Variants in CTNND2 observed in about 807,000 individuals in gnomAD.
CTNND2 encodes the protein catenin delta 2, also known as catenin delta-2.
In CTNND2, 22 loss-of-function variants were observed where a neutral mutation model predicts 144.4. The ratio of observed to expected loss-of-function variants is 0.15; its 90% CI spans 0.11 to 0.22. The LOEUF (loss-of-function observed/expected upper bound fraction) is 0.22, where lower values mean the gene tolerates loss of function less well. CTNND2 is among the 10% of genes least tolerant of loss of function. CTNND2 has a pLI of 1.00. For synonymous variants in CTNND2, 751 were observed against 695.6 expected, an observed-to-expected ratio of 1.08 and a Z score of -1.25; for missense variants, 1,353 against 1,618.8, an observed-to-expected ratio of 0.84 and a Z score of 2.82.
intron 2 of CTNND2, among the ~76,000 whole-genome samples, chr5:11,653,707 GT>G (rs1230891691): frequency 6.7e-6 from 1 of 149,106 alleles, no homozygotes; most frequent in Admixed American, 6.7e-5. Context: ...TCATTTTGTT[GT>G]TTCTTATGCT....
chr5:11,527,875 G>T (rs1773403104), intron 3 of CTNND2, among the ~76,000 whole-genome samples: 1 of 152,084 alleles, frequency 6.6e-6, no homozygotes, highest in South Asian at 2.1e-4. Flanking sequence ...GTTACCCCAG[G>T]GTGTAGTCAA....
At chr5:11,606,193 A>G (rs1780036446) in intron 2 of CTNND2, among the ~76,000 whole-genome samples, 1 of 152,216 alleles carries the variant, frequency 6.6e-6, no homozygotes, top group East Asian at 1.9e-4. Context: ...ACTTCAACAC[A>G]AGGATGGCAT....
rs79748508 is a variant in CTNND2, at chr5:11,190,655, C to T, written c.1975+8793G>A. ...TATAAACTATGGCCTGAGCTACCTG[C>T]TTGCATAAATACAGTTTAATACACA... On this transcript the variant is annotated intron_variant, in intron 11 of 21. Coordinates refer to ENST00000304623, the MANE Select transcript of CTNND2 (RefSeq NM_001332.4). Among the ~76,000 whole-genome samples the T allele has an allele frequency of 4.1e-3, 621 of 152,286 alleles. 5 individuals carry two copies. The highest frequency in any genetic ancestry group is 0.014 in the African/African-American group (570 of 41,568).
chr5:11,447,247 CAGG>C (rs1764899232), intron 3 of CTNND2, among the ~76,000 whole-genome samples: 1 of 151,406 alleles, frequency 6.6e-6, no homozygotes, highest in African/African-American at 2.4e-5. Context: ...GAGGAAGGGG[CAGG>C]AGAATTGCTT....
At chr5:11,738,532 T>C (rs1031506244) in intron 1 of CTNND2, among the ~76,000 whole-genome samples, 3 of 152,182 alleles carry the variant, frequency 2.0e-5, no homozygotes, top group African/African-American at 7.2e-5. Context: ...TCTCTAGCCG[T>C]CAATGCAGAG....
intron 3 of CTNND2, among the ~76,000 whole-genome samples, chr5:11,468,791 CTCA>C (rs1458681218): frequency 2.6e-5 from 4 of 152,098 alleles, no homozygotes; most frequent in Non-Finnish European, 5.9e-5. Context: ...TGGTGACTCA[CTCA>C]TCTTGTCACC....
At chr5:11,330,015 A>G (rs1464893935) in intron 9 of CTNND2, among the ~76,000 whole-genome samples, 1 of 152,170 alleles carries the variant, frequency 6.6e-6, no homozygotes, top group Non-Finnish European at 1.5e-5. Context: ...GAGCTAATGT[A>G]GCATGTTACA....
chr5:11,703,708 A>T (rs1785560355), intron 2 of CTNND2, among the ~76,000 whole-genome samples: 1 of 152,148 alleles, frequency 6.6e-6, no homozygotes, highest in Admixed American at 6.6e-5. Flanking sequence ...CAAACAGATG[A>T]CTTTCAGTCT....
At chr5:11,844,361 T>C (rs796719927) in intron 1 of CTNND2, among the ~76,000 whole-genome samples, 7 of 150,548 alleles carry the variant, frequency 4.6e-5, no homozygotes, top group South Asian at 2.1e-4. Flanking sequence ...TAGACTGAAA[T>C]ACACACACAC....
Position 11,250,455 on chromosome 5 carries a change from T to TTC in CTNND2, c.1629-13633_1629-13632insGA, listed in dbSNP as rs1561093391. On this transcript the variant is annotated intron_variant, in intron 9 of 21. Transcript: ENST00000304623. ...GAAAGTTTGCGGTGAATTTAAAGGG[T>TTC]GCTCTCTCTCTCTCTCTCTCTCTCT... is the stretch of plus-strand genomic sequence containing the variant. 3.2e-3 allele frequency among the ~76,000 whole-genome samples: 233 copies of TTC among 72,908 alleles called. 1 individual carries two copies. Among genetic ancestry groups the TTC allele is most frequent in the Admixed American group, 0.027 (177 of 6,582 alleles). The allele number at this position is 72,908 out of a possible 152,430, so 47.8% of individuals were successfully genotyped here. A position where few individuals can be genotyped will look rare whatever the true frequency, so the allele number is the denominator to read the frequency against.
At chr5:11,542,425 G>A (rs907679626) in intron 3 of CTNND2, among the ~76,000 whole-genome samples, 16 of 152,100 alleles carry the variant, frequency 1.1e-4, no homozygotes, top group African/African-American at 3.9e-4. Flanking sequence ...TAAATGGTTT[G>A]ATGACTAGAG....
At chr5:11,346,744 G>T in intron 8 of CTNND2, 117 bp from the exon 9 acceptor site, 2 of 961,322 alleles carry the variant, frequency 2.1e-6, no homozygotes, top group Non-Finnish European at 2.8e-6. Flanking sequence ...GGGTTCAAAA[G>T]AATAAAAAAA....
intron 1 of CTNND2, among the ~76,000 whole-genome samples, chr5:11,833,045 T>C (rs1273204878): frequency 6.6e-6 from 1 of 152,214 alleles, no homozygotes; most frequent in East Asian, 1.9e-4. Context: ...ACCTGGAATC[T>C]TGGAAATGGA....
At chr5:11,585,953 G>A (rs772929329) in intron 2 of CTNND2, among the ~76,000 whole-genome samples, 1 of 152,040 alleles carries the variant, frequency 6.6e-6, no homozygotes, top group Non-Finnish European at 1.5e-5. Flanking sequence ...TCCTCTGCAG[G>A]AGCAAAAAGT....
At chr5:11,728,684 A>C (rs1217535171) in intron 2 of CTNND2, among the ~76,000 whole-genome samples, 4 of 152,220 alleles carry the variant, frequency 2.6e-5, no homozygotes, top group Admixed American at 1.3e-4. Context: ...AAATTAGTGT[A>C]ACAATAGAGT....
intron 20 of CTNND2, among the ~76,000 whole-genome samples, chr5:10,987,758 C>T (rs963847154): frequency 6.9e-6 from 1 of 144,944 alleles, no homozygotes; most frequent in African/African-American, 2.5e-5. Context: ...ATTCCTAATG[C>T]ACAGGGCCTA....
At chr5:11,012,233 AG>A (rs1326213707) in intron 18 of CTNND2, among the ~76,000 whole-genome samples, 1 of 148,406 alleles carries the variant, frequency 6.7e-6, no homozygotes, top group Non-Finnish European at 1.5e-5. Flanking sequence ...GGGAAAACCA[AG>A]GGAGGGGGTG....
intron 1 of CTNND2, among the ~76,000 whole-genome samples, chr5:11,892,833 C>A (rs143548910): frequency 6.6e-6 from 1 of 152,166 alleles, no homozygotes; most frequent in African/African-American, 2.4e-5. Context: ...TCAGTGAACA[C>A]GACGAAATCT....
Position 11,235,274 on chromosome 5 carries a change from G to A in CTNND2, c.1761+1417C>T, listed in dbSNP as rs745997596. Among the ~76,000 whole-genome samples the A allele has an allele frequency of 3.3e-5, 5 of 152,268 alleles. No homozygotes were observed. In the East Asian group the frequency reaches 9.7e-4, roughly 29 times the overall value. On this transcript the variant is annotated intron_variant, in intron 10 of 21. Coordinates refer to ENST00000304623, the MANE Select transcript of CTNND2 (RefSeq NM_001332.4). ...GAAAAGTTATAGTCTTCAAAAAAGA[G>A]AAAAGTTATGGTCTTCAAAAAAAGA...
Sources: gnomAD v4.1 joint callset for allele counts (sites outside exome capture counted in the v4.1 genomes callset) on GRCh38, gnomAD v4.1.1 for gene constraint, MANE v1.5 for transcripts, NCBI Gene and HGNC (gene_info 2026-07-23, HGNC 2026-07-21) for gene names.